The following KIF4A variants were observed in gnomAD, a reference collection of about 807,000 sequenced individuals.
KIF4A encodes the protein kinesin family member 4A, also known as chromosome-associated kinesin KIF4A.
KIF4A carries 7 observed loss-of-function variants against 105.9 expected under a neutral mutation model. That is an observed-to-expected ratio of 0.07 (90% CI 0.04 to 0.12). KIF4A has a LOEUF of 0.12. Ranked by LOEUF, KIF4A falls within the 10% of genes least tolerant of loss-of-function variation. The probability of loss-of-function intolerance (pLI) is 1.00; values close to 1 mark genes in which losing one functional copy is unlikely to be tolerated. For synonymous variants in KIF4A, 281 were observed against 331.3 expected (o/e 0.85, Z 1.65); for missense variants, 558 against 929.2 (o/e 0.60, Z 5.19).
At chrX:70,323,112 C>T (rs2147687241) in intron 7 of KIF4A, among the ~76,000 whole-genome samples, 1 of 110,889 alleles carries the variant, frequency 9.0e-6, no homozygotes, top group African/African-American at 3.3e-5. Context: ...ATCTATGTGT[C>T]TTTCTGCATT....
chrX:70,297,528 G>T (rs1371366696), intron 4 of KIF4A, among the ~76,000 whole-genome samples: 2 of 112,244 alleles, frequency 1.8e-5, no homozygotes, highest in African/African-American at 6.5e-5. Context: ...TGATAATGCT[G>T]TTGCCTCATG....
rs932404974 is a variant in KIF4A, at chrX:70,353,917, T to C, written c.1674+110T>C. 3.9e-5 allele frequency: 24 copies of C among 610,365 alleles called. No individual in the cohort carries two copies. The East Asian group carries it at 8.4e-4, about 21-fold the overall frequency. The allele number at this position is 610,365 out of a possible 1,213,427, so 50.3% of individuals were successfully genotyped here. ...GATGATGAAAAGACAACAAAATGTA[T>C]ATAGTATAATGGGAGTTGTACTGTT... On this transcript the variant is annotated intron_variant, in intron 15 of 30. Transcript: ENST00000374403.
rs569907775 is a variant in KIF4A, at chrX:70,335,757, T to C, written c.1133+2068T>C. Among the ~76,000 whole-genome samples, 158 of 111,829 alleles carry C rather than the reference T, an allele frequency of 1.4e-3. 2 individuals carry two copies. The South Asian group carries it at 0.057, about 40-fold the overall frequency. ...AATGTGTTCACATGGACCTAGAGTG[T>C]GGAACAATTGACATTGGCAACTAGG... On this transcript the variant is annotated intron_variant, in intron 10 of 30. Transcript: ENST00000374403.
chrX:70,334,503 T>C (rs2147693977), intron 10 of KIF4A, among the ~76,000 whole-genome samples: 1 of 112,452 alleles, frequency 8.9e-6, no homozygotes, highest in South Asian at 3.7e-4. Flanking sequence ...GCAATCTATT[T>C]ATTTACTTGC....
At chrX:70,340,930 T>C (rs1219341857) in intron 10 of KIF4A, among the ~76,000 whole-genome samples, 1 of 111,845 alleles carries the variant, frequency 8.9e-6, no homozygotes, top group African/African-American at 3.2e-5. Flanking sequence ...TCCAGTCTTT[T>C]GAACATTTCA....
chrX:70,301,173 T>C (rs2085803069), intron 5 of KIF4A, among the ~76,000 whole-genome samples: 1 of 111,480 alleles, frequency 9.0e-6, no homozygotes, highest in Admixed American at 9.6e-5. Flanking sequence ...GAATTAGTGT[T>C]TGTGGGAGGA....
At chrX:70,410,566 G>A (rs1397987389) in intron 28 of KIF4A, among the ~76,000 whole-genome samples, 1 of 111,895 alleles carries the variant, frequency 8.9e-6, no homozygotes, top group Non-Finnish European at 1.9e-5. Context: ...ACCAGGGACC[G>A]GTTTCGTGGA....
chrX:70,401,079 ATT>A (rs1271801890), intron 22 of KIF4A, among the ~76,000 whole-genome samples: 45 of 74,018 alleles, frequency 6.1e-4, no homozygotes, highest in African/African-American at 1.8e-3. Context: ...TAGGTTTATG[ATT>A]TTTTTTTTTT....
At chrX:70,366,266 C>G (rs2086102999) in intron 15 of KIF4A, among the ~76,000 whole-genome samples, 2 of 110,490 alleles carry the variant, frequency 1.8e-5, no homozygotes, top group Admixed American at 9.7e-5. Flanking sequence ...CTGCTCTGAT[C>G]TTAGTTATTT....
intron 7 of KIF4A, among the ~76,000 whole-genome samples, chrX:70,321,227 C>G (rs1407427076): frequency 8.9e-6 from 1 of 111,877 alleles, no homozygotes; most frequent in Non-Finnish European, 1.9e-5. Context: ...TGCACACTTT[C>G]ATCACAGCCA....
chrX:70,387,564 A>G (rs1468606556), intron 20 of KIF4A, among the ~76,000 whole-genome samples: 1 of 111,988 alleles, frequency 8.9e-6, no homozygotes, highest in East Asian at 2.8e-4. Context: ...TATAAATTGT[A>G]CATATTTAAA....
chrX:70,413,116 A>G (rs2086328924), intron 28 of KIF4A, among the ~76,000 whole-genome samples: 1 of 112,323 alleles, frequency 8.9e-6, no homozygotes, highest in Non-Finnish European at 1.9e-5. Context: ...TATTCGTTTG[A>G]CAAATTTTTT....
Position 70,365,608 on chromosome X carries a change from G to A in KIF4A, c.1675-8543G>A, listed in dbSNP as rs778702656. On this transcript the variant is annotated intron_variant, in intron 15 of 30. Coordinates refer to ENST00000374403, the MANE Select transcript of KIF4A (RefSeq NM_012310.5). ...GGGATGAAGCCCACTTGATCATGGCGGATAAGCTTTTTGATGTGCTGCTGG... is the reference window on the plus strand; with the variant it reads ...GGGATGAAGCCCACTTGATCATGGCAGATAAGCTTTTTGATGTGCTGCTGG... 1.7e-3 allele frequency among the ~76,000 whole-genome samples: 192 copies of A among 111,461 alleles called. 2 individuals carry two copies. Among genetic ancestry groups the A allele is most frequent in the Non-Finnish European group, 1.9e-3 (103 of 53,091 alleles).
Position 70,414,139 on chromosome X carries a change from A to T in KIF4A, c.3256-3749A>T, listed in dbSNP as rs536386492. On this transcript the variant is annotated intron_variant, in intron 28 of 30. Transcript: ENST00000374403. ...AACAATTTCTTTCAAAACAATCTTA[A>T]TATTTAACATTAGGGGACTGGTTAA... is the stretch of plus-strand genomic sequence containing the variant. Among the ~76,000 whole-genome samples the T allele has an allele frequency of 2.1e-4, 24 of 111,897 alleles. No homozygotes were observed. In the South Asian group the frequency reaches 8.6e-3, roughly 40 times the overall value.
intron 7 of KIF4A, among the ~76,000 whole-genome samples, chrX:70,310,569 A>G (rs1392064102): frequency 2.7e-5 from 3 of 111,374 alleles, no homozygotes; most frequent in African/African-American, 6.5e-5. Flanking sequence ...TTTTGTGAAC[A>G]TATGTTTCCA....
chrX:70,305,701 G>A (rs771272612), intron 7 of KIF4A, among the ~76,000 whole-genome samples: 20 of 112,019 alleles, frequency 1.8e-4, no homozygotes, highest in Non-Finnish European at 3.6e-4. Flanking sequence ...TCTCTTGAGT[G>A]TATACCTATG....
At chrX:70,370,254 T>A (rs749390046) in intron 15 of KIF4A, among the ~76,000 whole-genome samples, 3 of 110,901 alleles carry the variant, frequency 2.7e-5, no homozygotes, top group East Asian at 5.7e-4. Context: ...TATGTAATAT[T>A]TGACTATGTA....
chrX:70,293,357 T>A (rs768325666), intron 3 of KIF4A, among the ~76,000 whole-genome samples: 1 of 112,589 alleles, frequency 8.9e-6, no homozygotes, highest in Admixed American at 9.4e-5. Flanking sequence ...CTTGACAACA[T>A]GTCTGCCACA....
Position 70,358,295 on chromosome X carries a change from A to G in KIF4A, c.1674+4488A>G, listed in dbSNP as rs754897446. Among the ~76,000 whole-genome samples, 10 of 110,026 alleles carry G rather than the reference A, an allele frequency of 9.1e-5. No homozygotes were observed. In the East Asian group the frequency reaches 1.7e-3, roughly 19 times the overall value. On this transcript the variant is annotated intron_variant, in intron 15 of 30. Transcript: ENST00000374403. Reference sequence around the variant, plus strand: ...CTCCTTTCTGGGCGGTTTTTTTCCTATCATTTCTTTGATAATGCTATCTCT... The same window carrying G: ...CTCCTTTCTGGGCGGTTTTTTTCCTGTCATTTCTTTGATAATGCTATCTCT...
Sources: allele counts gnomAD v4.1 joint callset (sites outside exome capture counted in the v4.1 genomes callset), GRCh38; gene constraint gnomAD v4.1.1; transcripts MANE v1.5; gene names NCBI Gene and HGNC (gene_info 2026-07-23, HGNC 2026-07-21).